Variants in PRPS2 observed in about 807,000 individuals in gnomAD.
PRPS2 encodes phosphoribosyl pyrophosphate synthetase 2.
For synonymous variants in PRPS2, 111 were observed against 115.3 expected, an observed-to-expected ratio of 0.96 and a Z score of 0.24; for missense variants, 104 against 271.5, an observed-to-expected ratio of 0.38 and a Z score of 4.34.
chrX:12,812,453 C>T (rs966113236), intron 4 of PRPS2, among the ~76,000 whole-genome samples: 1 of 111,019 alleles, frequency 9.0e-6, no homozygotes, highest in Non-Finnish European at 1.9e-5. Flanking sequence ...AGGGTGAAAC[C>T]CCGTCTCTGC....
intron 1 of PRPS2, 99 bp downstream of exon 1, chrX:12,791,718 G>A (rs1356545988): frequency 1.8e-5 from 14 of 778,936 alleles, no homozygotes; most frequent in Non-Finnish European, 2.2e-5. Flanking sequence ...CTCCGCGGAC[G>A]CCGCGCTCCC....
At chrX:12,820,852 G>C in intron 6 of PRPS2, 49 bp downstream of exon 6, 1 of 1,166,113 alleles carries the variant, frequency 8.6e-7, no homozygotes, top group Non-Finnish European at 1.2e-6. Context: ...ACCTACTTTA[G>C]ATCCTTAAAA....
intron 6 of PRPS2, 98 bp downstream of exon 6, chrX:12,820,901 G>C (rs1224055264): frequency 1.0e-6 from 1 of 964,550 alleles, no homozygotes; most frequent in Non-Finnish European, 1.4e-6. Context: ...TCCTTGCTAA[G>C]GCACATGCTT....
At chrX:12,807,343 C>A (rs774930835) in intron 2 of PRPS2, among the ~76,000 whole-genome samples, 1 of 112,518 alleles carries the variant, frequency 8.9e-6, no homozygotes, top group East Asian at 2.8e-4. Flanking sequence ...GGCCCCACTT[C>A]TTAATCCTAT....
rs2042667488 is a variant in PRPS2, at chrX:12,819,888, TGTA to T, written c.704+211_704+213del. 4.4e-5 allele frequency among the ~76,000 whole-genome samples: 5 copies of T among 112,590 alleles called. No homozygotes were observed. In the South Asian group the frequency reaches 1.9e-3, roughly 42 times the overall value. On this transcript the variant is annotated intron_variant, in intron 5 of 6. Coordinates refer to ENST00000380668, the MANE Select transcript of PRPS2 (RefSeq NM_002765.5). ...GCCTTTTCGTTTTCCAGGGTGAGCTTGTAGTGTACCTGGAAAAAGGTCAAAGAA... is the reference window on the plus strand; with the variant it reads ...GCCTTTTCGTTTTCCAGGGTGAGCTTGTGTACCTGGAAAAAGGTCAAAGAA...
intron 2 of PRPS2, among the ~76,000 whole-genome samples, chrX:12,808,012 C>T (rs928183755): frequency 6.5e-5 from 7 of 108,475 alleles, no homozygotes; most frequent in African/African-American, 1.7e-4. Flanking sequence ...GGACTACAGG[C>T]GCCCGCCACC....
intron 4 of PRPS2, among the ~76,000 whole-genome samples, chrX:12,813,188 G>A (rs905854023): frequency 3.6e-5 from 4 of 112,078 alleles, no homozygotes. Context: ...AAATGGCAAT[G>A]CGATGTACAC....
chrX:12,819,616 C>T lies in PRPS2; in HGVS notation c.640C>T (p.Arg214Cys). Residue 214 changes from arginine (R) to cysteine (C), a missense_variant, in exon 5 of 7, where the codon CGT becomes TGT. Transcript: ENST00000380668. The part of the protein sequence containing the change: ...RMVLVGDVKD[R>C]VAILVDDMAD... ...GGTCCTGGTGGGCGACGTGAAGGAC[C>T]GTGTGGCCATCCTCGTGGATGACAT... 2 of 1,211,470 alleles carry T rather than the reference C, an allele frequency of 1.7e-6. No homozygotes were observed. Among genetic ancestry groups the T allele is most frequent in the Non-Finnish European group, 1.1e-6 (1 of 895,329 alleles).
chrX:12,797,507 A>C (rs2042550379), intron 1 of PRPS2, among the ~76,000 whole-genome samples: 1 of 111,944 alleles, frequency 8.9e-6, no homozygotes, highest in African/African-American at 3.2e-5. Context: ...AGGTGTGTAC[A>C]TGTGTATGTT....
At chrX:12,805,871 G>A (rs1419755494) in intron 2 of PRPS2, among the ~76,000 whole-genome samples, 2 of 111,833 alleles carry the variant, frequency 1.8e-5, no homozygotes, top group African/African-American at 3.3e-5. Flanking sequence ...TCAGGAGTTC[G>A]AGAAGAGCCT....
At chrX:12,796,339 G>T (rs1453629677) in intron 1 of PRPS2, among the ~76,000 whole-genome samples, 3 of 105,869 alleles carry the variant, frequency 2.8e-5, no homozygotes, top group Non-Finnish European at 5.8e-5. Flanking sequence ...TCCTGCCTCA[G>T]CCTCCCGAGT....
rs146667276 is a variant in PRPS2 at position 12,810,518 on chromosome X, C to T, written c.530+372C>T. On this transcript the variant is annotated intron_variant, in intron 4 of 6. Transcript: ENST00000380668. ...CTTGGAAATGGTAGCCAAAATAGAA[C>T]AATTTTTTTTTAAAAGAAATCTCTG... 118 of 198,223 alleles carry T rather than the reference C, an allele frequency of 6.0e-4. 1 individual carries two copies. The highest frequency in any genetic ancestry group is 3.2e-3 in the African/African-American group (110 of 33,871). 16.3% of individuals were successfully genotyped at this position (198,223 alleles called of 1,213,427 possible).
intron 6 of PRPS2, among the ~76,000 whole-genome samples, chrX:12,822,269 A>G: frequency 8.9e-6 from 1 of 112,424 alleles, no homozygotes; most frequent in East Asian, 2.8e-4. Context: ...CCAAGGTCAA[A>G]TATGTTAACT....
Position 12,823,916 on chromosome X carries a change from T to TAA in PRPS2, c.*1121_*1122dup, listed in dbSNP as rs2042688101. ...TCTTGCTGCTCCTGGCGTGGAAACTTAAGTGAGACCACCAAATACATTGGT... is the reference window on the plus strand; with the variant it reads ...TCTTGCTGCTCCTGGCGTGGAAACTTAAAAGTGAGACCACCAAATACATTGGT... On this transcript the variant is annotated 3_prime_UTR_variant, in exon 7 of 7. Transcript: ENST00000380668. 1 of 112,201 alleles carries TAA rather than the reference T, an allele frequency of 8.9e-6. No homozygotes were observed. The highest frequency in any genetic ancestry group is 1.9e-5 in the Non-Finnish European group (1 of 53,243). The allele number at this position is 112,201 out of a possible 1,213,427, so 9.2% of individuals were successfully genotyped here. A position where few individuals can be genotyped will look rare whatever the true frequency, so the allele number is the denominator to read the frequency against.
intron 1 of PRPS2, among the ~76,000 whole-genome samples, chrX:12,798,937 A>G (rs1412932646): frequency 8.9e-6 from 1 of 111,878 alleles, no homozygotes; most frequent in African/African-American, 3.3e-5. Context: ...ACAGCTCACT[A>G]CTGGGGCATT....
rs770846463 is a variant in PRPS2 at position 12,799,258 on chromosome X, C to T, written c.174C>T (p.Ser58=). ...GGGAAGATGTCTACATCATCCAGAG[C>T]GGCTGCGGGGAAATTAACGACAACC... ...VRGEDVYIIQ[S]GCGEINDNLM... The change falls in exon 2 of 7, where the codon AGC becomes AGT. Residue 58 remains serine, a synonymous_variant. Transcript: ENST00000380668. 9.9e-6 allele frequency: 12 copies of T among 1,209,376 alleles called. No homozygotes were observed. The highest frequency in any genetic ancestry group is 8.8e-5 in the African/African-American group (5 of 56,968).
At chrX:12,801,218 GCA>G (rs963821471) in intron 2 of PRPS2, among the ~76,000 whole-genome samples, 4 of 88,316 alleles carry the variant, frequency 4.5e-5, no homozygotes, top group South Asian at 5.6e-4. Flanking sequence ...GATTGCGTGC[GCA>G]CGTGTGTGTG....
In PRPS2 at chrX:12,820,774, G is replaced by A. The variant is rs1169475707; in HGVS notation, c.835G>A (p.Asp279Asn). The change falls in exon 6 of 7, where the codon GAC becomes AAC. Residue 279 changes from aspartate (D) to asparagine (N), a missense_variant. By Grantham distance (23) the Asp-to-Asn change is conservative. Transcript: ENST00000380668. ...CGTCACAAACACAATTCCGCAAGAGGACAAAATGAAACACTGCACCAAGAT... is the reference window on the plus strand; with the variant it reads ...CGTCACAAACACAATTCCGCAAGAGAACAAAATGAAACACTGCACCAAGAT... ...VVVTNTIPQE[D>N]KMKHCTKIQV... 11 of 1,208,982 alleles carry A rather than the reference G, an allele frequency of 9.1e-6. No homozygotes were observed. Among genetic ancestry groups the A allele is most frequent in the Non-Finnish European group, 1.2e-5 (11 of 895,127 alleles).
intron 1 of PRPS2, among the ~76,000 whole-genome samples, chrX:12,791,984 C>T (rs889130915): frequency 4.2e-4 from 48 of 113,121 alleles, no homozygotes; most frequent in Non-Finnish European, 8.1e-4. Flanking sequence ...AGAGAGTGGG[C>T]GCAGCGGGCG....
Sources: gnomAD v4.1 joint callset for allele counts (sites outside exome capture counted in the v4.1 genomes callset) on GRCh38, gnomAD v4.1.1 for gene constraint, MANE v1.5 for transcripts, NCBI Gene and HGNC (gene_info 2026-07-23, HGNC 2026-07-21) for gene names.